CDC42BPA: variants seen among roughly 807,000 people sequenced by gnomAD.
The protein encoded by CDC42BPA is CDC42 binding protein kinase alpha, also known as serine/threonine-protein kinase MRCK alpha.
A neutral mutation model predicts 223.5 loss-of-function variants in CDC42BPA; 80 were observed. The ratio of observed to expected loss-of-function variants is 0.36; its 90% confidence interval spans 0.30 to 0.43. The LOEUF (loss-of-function observed/expected upper bound fraction) is 0.43. CDC42BPA is among the 20% of genes least tolerant of loss of function. CDC42BPA has a pLI of 1.00. For missense variants in CDC42BPA, 1,743 were observed against 2,099.9 expected (o/e 0.83, Z 3.32); for synonymous variants, 694 against 718.6 (o/e 0.97, Z 0.55).
intron 16 of CDC42BPA, among the ~76,000 whole-genome samples, chr1:227,090,323 C>T (rs1682840433): frequency 1.3e-5 from 2 of 152,022 alleles, no homozygotes; most frequent in Admixed American, 6.6e-5. Context: ...GTGAGAAATA[C>T]AGAGCTATAC....
chr1:227,008,365 C>T (rs1055698869), intron 34 of CDC42BPA, among the ~76,000 whole-genome samples: 3 of 152,080 alleles, frequency 2.0e-5, no homozygotes, highest in Non-Finnish European at 2.9e-5. Context: ...ATCTTCTTTG[C>T]TATAATATGG....
chr1:227,038,022 C>T (rs1026053734), intron 24 of CDC42BPA, among the ~76,000 whole-genome samples: 4 of 152,100 alleles, frequency 2.6e-5, no homozygotes, highest in African/African-American at 9.7e-5. Flanking sequence ...TTTATGGGGA[C>T]AATGCCTGAT....
intron 24 of CDC42BPA, among the ~76,000 whole-genome samples, chr1:227,039,248 T>G (rs1280181650): frequency 6.6e-6 from 1 of 152,192 alleles, no homozygotes; most frequent in African/African-American, 2.4e-5. Context: ...GGACCCTCTG[T>G]TCTTCAGGGA....
intron 15 of CDC42BPA, among the ~76,000 whole-genome samples, chr1:227,095,371 T>C (rs900423797): frequency 2.0e-4 from 30 of 152,094 alleles, no homozygotes; most frequent in African/African-American, 6.3e-4. Context: ...CAACCCTAGA[T>C]TGTATTAAAA....
intron 12 of CDC42BPA, 45 bp downstream of exon 12, chr1:227,119,759 T>C: frequency 7.6e-7 from 1 of 1,312,722 alleles, no homozygotes; most frequent in Non-Finnish European, 1.1e-6. Flanking sequence ...TTATACAAGA[T>C]TCAAAATAGA....
chr1:227,147,787 T>A (rs1660956752), intron 6 of CDC42BPA, among the ~76,000 whole-genome samples: 1 of 152,012 alleles, frequency 6.6e-6, no homozygotes. Context: ...ACTTAACTGA[T>A]GACATTGAGA....
intron 34 of CDC42BPA, among the ~76,000 whole-genome samples, chr1:227,011,665 G>C (rs1212554918): frequency 6.6e-6 from 1 of 151,946 alleles, no homozygotes; most frequent in Non-Finnish European, 1.5e-5. Context: ...TTCTTAACAA[G>C]GTAAAAATCT....
chr1:227,057,770 A>C (rs1187078314), intron 21 of CDC42BPA, among the ~76,000 whole-genome samples: 1 of 152,230 alleles, frequency 6.6e-6, no homozygotes, highest in East Asian at 1.9e-4. Flanking sequence ...TCATAGAATA[A>C]AGACATAGAA....
intron 1 of CDC42BPA, among the ~76,000 whole-genome samples, chr1:227,268,667 C>CATAT (rs1472425451): frequency 1.4e-5 from 2 of 139,028 alleles, no homozygotes; most frequent in Non-Finnish European, 1.5e-5. Context: ...TATATATATA[C>CATAT]ATATATATAT....
At chr1:227,006,453 T>C (rs542146408) in intron 34 of CDC42BPA, among the ~76,000 whole-genome samples, 2 of 152,306 alleles carry the variant, frequency 1.3e-5, no homozygotes, top group South Asian at 2.1e-4. Context: ...TGTGCCCCAG[T>C]TCCCTCAGCT....
chr1:226,994,142 G>C lies in CDC42BPA; in HGVS notation c.*126C>G. ...GTGTCGTCAGAACTCCTGAATCCCT[G>C]TCCTGCTACTGCTGCCAGCCCCTGG... On this transcript the variant is annotated 3_prime_UTR_variant, in exon 37 of 37. Transcript: ENST00000366766. The surrounding 1 kb of genome is among the most constrained non-coding windows in gnomAD (Gnocchi z 4.0). 2 of 844,308 alleles carry C rather than the reference G, an allele frequency of 2.4e-6. No homozygotes were observed. Among genetic ancestry groups the C allele is most frequent in the Non-Finnish European group, 3.6e-6 (2 of 550,024 alleles). The allele number at this position is 844,308 out of a possible 1,614,324, so 52.3% of individuals were successfully genotyped here. A position where few individuals can be genotyped will look rare whatever the true frequency, so the allele number is the denominator to read the frequency against.
At chr1:227,078,615 A>G (rs1679981082) in intron 17 of CDC42BPA, among the ~76,000 whole-genome samples, 1 of 152,072 alleles carries the variant, frequency 6.6e-6, no homozygotes, top group Non-Finnish European at 1.5e-5. Context: ...TTGCTCTAAA[A>G]GAGTTTCTGA....
chr1:227,038,668 G>A (rs1160188495), intron 24 of CDC42BPA, among the ~76,000 whole-genome samples: 2 of 152,214 alleles, frequency 1.3e-5, no homozygotes, highest in Non-Finnish European at 2.9e-5. Context: ...ACTGCACCCA[G>A]ATCAGCTACA....
chr1:227,031,331 G>A lies in CDC42BPA; in HGVS notation c.3742C>T (p.Leu1248Phe). The A allele has an allele frequency of 6.2e-7, 1 of 1,613,996 alleles. No homozygotes were observed. Among genetic ancestry groups the A allele is most frequent in the East Asian group, 2.2e-5 (1 of 44,866 alleles). The change falls in exon 28 of 37, where the codon CTC (leucine) becomes TTC (phenylalanine). Residue 1248 changes from leucine (L) to phenylalanine (F), a missense_variant. Leu to Phe is a conservative substitution (Grantham distance 22). Coordinates refer to ENST00000366766, the MANE Select transcript of CDC42BPA (RefSeq NM_001394014.1). Reference protein sequence around the residue: ...PKEAYDSTLPLIKTTQAAAII... With the variant: ...PKEAYDSTLPFIKTTQAAAII... ...GCGGCTGCCTGGGTTGTTTTAATGA[G>A]GGGTAGAGTGCTGTCATAAGCCTCT...
intron 5 of CDC42BPA, among the ~76,000 whole-genome samples, chr1:227,164,964 T>C (rs572222860): frequency 1.3e-5 from 2 of 152,328 alleles, no homozygotes; most frequent in Admixed American, 1.3e-4. Flanking sequence ...CATAAGCATG[T>C]TGGGGGTAGA....
intron 30 of CDC42BPA, among the ~76,000 whole-genome samples, chr1:227,027,297 T>C (rs1300700704): frequency 6.6e-6 from 1 of 152,168 alleles, no homozygotes; most frequent in Non-Finnish European, 1.5e-5. Flanking sequence ...ACGCAGACTT[T>C]CTGATTTTTC....
intron 5 of CDC42BPA, chr1:227,182,793 T>A (rs1668153901): frequency 6.6e-6 from 1 of 152,162 alleles, no homozygotes; most frequent in African/African-American, 2.4e-5. Context: ...AGACCCACCC[T>A]CAATGTGGGC....
intron 16 of CDC42BPA, among the ~76,000 whole-genome samples, chr1:227,090,442 T>C (rs1235630049): frequency 3.9e-5 from 6 of 152,162 alleles, no homozygotes; most frequent in Admixed American, 2.6e-4. Flanking sequence ...ATACTAGATA[T>C]CATTATAAAA....
intron 16 of CDC42BPA, 41 bp downstream of exon 16, chr1:227,091,845 T>C: frequency 9.5e-7 from 1 of 1,054,560 alleles, no homozygotes; most frequent in Admixed American, 2.3e-5. Context: ...GTTGAACATC[T>C]AGCATGTACT....
Sources: gnomAD v4.1 joint callset for allele counts (sites outside exome capture counted in the v4.1 genomes callset) on GRCh38, gnomAD v4.1.1 for gene constraint, Gnocchi (gnomAD v3.1) non-coding constraint, MANE v1.5 for transcripts, NCBI Gene and HGNC (gene_info 2026-07-23, HGNC 2026-07-21) for gene names.